The following GNA12 variants were observed in gnomAD, a reference collection of about 807,000 sequenced individuals.
GNA12 encodes the protein guanine nucleotide-binding protein subunit alpha-12.
In GNA12, 9 loss-of-function variants were observed where a neutral mutation model predicts 26.0. That is an observed-to-expected ratio of 0.35 (90% CI 0.21 to 0.60). GNA12 has a LOEUF of 0.60. GNA12 is among the 20% of genes least tolerant of loss of function. The pLI is 0.78. For synonymous variants in GNA12, 264 were observed against 219.6 expected (o/e 1.20, Z -1.79); for missense variants, 405 against 525.8 (o/e 0.77, Z 2.25).
chr7:2,749,997 A>G (rs970527852), intron 2 of GNA12, among the ~76,000 whole-genome samples: 2 of 152,240 alleles, frequency 1.3e-5, no homozygotes, highest in African/African-American at 4.8e-5. Context: ...TTAGAAGCAG[A>G]AAACTTTCCA....
intron 2 of GNA12, chr7:2,762,623 C>T (rs1791615148): frequency 6.4e-7 from 1 of 1,569,970 alleles, no homozygotes; most frequent in Non-Finnish European, 8.6e-7. Flanking sequence ...CCGGATAAGA[C>T]CCCAATGCCA....
chr7:2,793,417 G>A (rs888944540), intron 2 of GNA12, among the ~76,000 whole-genome samples: 2 of 152,172 alleles, frequency 1.3e-5, no homozygotes, highest in African/African-American at 4.8e-5. Context: ...CTTTCATACC[G>A]ATGTCAACTT....
chr7:2,744,727 C>T (rs1354815195), intron 2 of GNA12, among the ~76,000 whole-genome samples: 4 of 152,048 alleles, frequency 2.6e-5, no homozygotes, highest in Non-Finnish European at 5.9e-5. Context: ...CTCTGAGCTA[C>T]AGGAGGAAGT....
At chr7:2,742,234 G>C (rs565776578) in intron 2 of GNA12, among the ~76,000 whole-genome samples, 1 of 151,934 alleles carries the variant, frequency 6.6e-6, no homozygotes, top group African/African-American at 2.4e-5. Flanking sequence ...ATTTTGGCCA[G>C]GCTGGTCTTG....
chr7:2,818,993 T>C lies in GNA12; in HGVS notation c.310-23850A>G, dbSNP rs1793286510. Among the ~76,000 whole-genome samples, 3 of 152,108 alleles carry C rather than the reference T, an allele frequency of 2.0e-5. 1 individual carries two copies. The highest frequency in any genetic ancestry group is 4.1e-4 in the South Asian group (2 of 4,828). On this transcript the variant is annotated intron_variant, in intron 1 of 3. Coordinates refer to ENST00000275364, the MANE Select transcript of GNA12 (RefSeq NM_007353.3). The stretch of plus-strand genomic sequence containing the variant: ...AATTGGGAACCTAGGTGAAAGGTCT[T>C]TGCAGAGGTAATTAAGGCTACCAAT...
rs148537850 is a variant in GNA12 at position 2,835,562 on chromosome 7, G to C, written c.309+8291C>G. ...TGCCAGGGAATTCTGGGCCGACAGGGAGCAAGAGCGCGCTTGGGGGCAAAG... is the reference window on the plus strand; with the variant it reads ...TGCCAGGGAATTCTGGGCCGACAGGCAGCAAGAGCGCGCTTGGGGGCAAAG... On this transcript the variant is annotated intron_variant, in intron 1 of 3. Transcript: ENST00000275364. The C allele has an allele frequency of 1.3e-3, 671 of 519,428 alleles. 4 individuals are homozygous for C. Among genetic ancestry groups the C allele is most frequent in the African/African-American group, 0.012 (626 of 51,238 alleles). The allele number at this position is 519,428 out of a possible 1,614,324, so 32.2% of individuals were successfully genotyped here. A position where few individuals can be genotyped will look rare whatever the true frequency, so the allele number is the denominator to read the frequency against.
chr7:2,765,582 A>C (rs1791769264), intron 2 of GNA12, among the ~76,000 whole-genome samples: 1 of 151,892 alleles, frequency 6.6e-6, no homozygotes. Flanking sequence ...GAAAACCAGC[A>C]AGACGAGGTA....
intron 2 of GNA12, among the ~76,000 whole-genome samples, chr7:2,733,785 T>G (rs1470761863): frequency 6.6e-6 from 1 of 152,232 alleles, no homozygotes; most frequent in African/African-American, 2.4e-5. Context: ...CAGGCCCCTC[T>G]GATGGGGGAC....
At chr7:2,758,052 T>G (rs1209103762) in intron 2 of GNA12, among the ~76,000 whole-genome samples, 2 of 152,106 alleles carry the variant, frequency 1.3e-5, no homozygotes, top group African/African-American at 4.8e-5. Context: ...TGGGGATGAG[T>G]CACTCCCTAA....
chr7:2,819,827 C>T (rs1562444677), intron 1 of GNA12, among the ~76,000 whole-genome samples: 1 of 152,112 alleles, frequency 6.6e-6, no homozygotes, highest in Non-Finnish European at 1.5e-5. Context: ...TCGGGTAGCT[C>T]GTCAAAATGT....
At chr7:2,746,166 A>T (rs57612224) in intron 2 of GNA12, among the ~76,000 whole-genome samples, 1 of 152,340 alleles carries the variant, frequency 6.6e-6, no homozygotes, top group East Asian at 1.9e-4. Flanking sequence ...TGCACCAAGC[A>T]GACCTAATAG....
intron 1 of GNA12, among the ~76,000 whole-genome samples, chr7:2,818,228 T>C (rs1240113418): frequency 6.6e-6 from 1 of 152,190 alleles, no homozygotes; most frequent in East Asian, 1.9e-4. Context: ...AAAGTTTGTT[T>C]ACCACATCAG....
intron 2 of GNA12, among the ~76,000 whole-genome samples, chr7:2,768,265 TTC>T (rs1791857011): frequency 6.6e-6 from 1 of 152,220 alleles, no homozygotes; most frequent in Non-Finnish European, 1.5e-5. Flanking sequence ...CGGAAATGGT[TTC>T]TGTTTTCCAA....
intron 1 of GNA12, among the ~76,000 whole-genome samples, chr7:2,802,407 G>A: frequency 1.2e-5 from 1 of 83,732 alleles, no homozygotes; most frequent in Admixed American, 2.1e-4. Flanking sequence ...GGGGTGGGGG[G>A]TGGGGTTCAA....
intron 1 of GNA12, among the ~76,000 whole-genome samples, chr7:2,814,545 A>C (rs770359124): frequency 3.3e-5 from 5 of 152,066 alleles, no homozygotes; most frequent in African/African-American, 4.8e-5. Flanking sequence ...TGAAGTCTTT[A>C]CTGGGAAGGC....
intron 2 of GNA12, among the ~76,000 whole-genome samples, chr7:2,784,936 T>C (rs947071530): frequency 1.3e-5 from 2 of 152,240 alleles, no homozygotes; most frequent in African/African-American, 4.8e-5. Context: ...ATTTCATTAT[T>C]AACTCTATTA....
rs1292329988 is a variant in GNA12, at chr7:2,729,603, G to C, written c.*1578C>G. 6.6e-6 allele frequency: 1 copy of C among 152,352 alleles called. No individual in the cohort carries two copies. Among genetic ancestry groups the C allele is most frequent in the African/African-American group, 2.4e-5 (1 of 41,442 alleles). 9.4% of individuals were successfully genotyped at this position (152,352 alleles called of 1,614,324 possible). Reference sequence around the variant, plus strand: ...GCTTCTGCATCTGCCCCAAGGGCTTGCGTTTACCGGGTTTGCGGAAAACAA... The same window carrying C: ...GCTTCTGCATCTGCCCCAAGGGCTTCCGTTTACCGGGTTTGCGGAAAACAA... On this transcript the variant is annotated 3_prime_UTR_variant, in exon 4 of 4. Transcript: ENST00000275364.
In GNA12 at chr7:2,794,914, G is replaced by T. The variant is rs777924151; in HGVS notation, c.525+14C>A. On this transcript the variant is annotated intron_variant, in intron 2 of 3. Coordinates refer to ENST00000275364, the MANE Select transcript of GNA12 (RefSeq NM_007353.3). ...ACACTATCAGGTGCCCAGCAAGAAG[G>T]CCTACTCACTCACCAGCTGAAACTC... 6 of 1,579,564 alleles carry T rather than the reference G, an allele frequency of 3.8e-6. No homozygotes were observed. The highest frequency in any genetic ancestry group is 5.2e-6 in the Non-Finnish European group (6 of 1,148,684).
At chr7:2,832,420 C>T (rs1455667882) in intron 1 of GNA12, among the ~76,000 whole-genome samples, 2 of 152,236 alleles carry the variant, frequency 1.3e-5, no homozygotes, top group African/African-American at 4.8e-5. Flanking sequence ...CAGTTGAGAC[C>T]AGGCAACCTC....
Sources: gnomAD v4.1 joint callset for allele counts (sites outside exome capture counted in the v4.1 genomes callset) on GRCh38, gnomAD v4.1.1 for gene constraint, MANE v1.5 for transcripts, NCBI Gene and HGNC (gene_info 2026-07-23, HGNC 2026-07-21) for gene names.